The following DKK2 variants were observed in gnomAD, a reference collection of about 807,000 sequenced individuals.
DKK2 encodes the protein dickkopf-related protein 2.
DKK2 carries 11 observed loss-of-function variants against 28.1 expected under a neutral mutation model. That is an observed-to-expected ratio of 0.39 (90% confidence interval 0.25 to 0.65). DKK2 has a LOEUF of 0.65. DKK2 is among the 30% of genes least tolerant of loss of function. The pLI is 0.47. For missense variants in DKK2, 326 were observed against 335.5 expected (o/e 0.97, Z 0.22); for synonymous variants, 135 against 126.5 (o/e 1.07, Z -0.45).
intron 1 of DKK2, among the ~76,000 whole-genome samples, chr4:106,984,131 C>T (rs4364338): frequency 0.21 from 31,578 of 152,164 alleles, 3,547 homozygotes; most frequent in East Asian, 0.42. Flanking sequence ...AATGAAGACT[C>T]TGTTCACACA....
At chr4:106,936,687 A>T (rs1416846790) in intron 1 of DKK2, among the ~76,000 whole-genome samples, 1 of 152,220 alleles carries the variant, frequency 6.6e-6, no homozygotes, top group Non-Finnish European at 1.5e-5. Flanking sequence ...GGTTGAAATG[A>T]ACGAAAAAAT....
intron 1 of DKK2, among the ~76,000 whole-genome samples, chr4:106,980,406 C>G (rs1363643389): frequency 6.6e-6 from 1 of 152,004 alleles, no homozygotes; most frequent in Admixed American, 6.6e-5. Flanking sequence ...CTTAATTATG[C>G]TTCATAACAT....
At chr4:107,027,951 A>C (rs2110376660) in intron 1 of DKK2, among the ~76,000 whole-genome samples, 1 of 151,782 alleles carries the variant, frequency 6.6e-6, no homozygotes, top group South Asian at 2.1e-4. Context: ...ACGGGGTTTC[A>C]CCGTGTTAGC....
At chr4:106,968,153 A>G (rs954297690) in intron 1 of DKK2, among the ~76,000 whole-genome samples, 1 of 151,766 alleles carries the variant, frequency 6.6e-6, no homozygotes, top group Non-Finnish European at 1.5e-5. Context: ...GAGACAAAAA[A>G]AAGGATGGAA....
rs1724366289 is a variant in DKK2, at chr4:106,922,790, T to A, written c.*1164A>T. ...TATGATAGCAAATCCCATGCAGATA[T>A]TCATTTAGACTGTGCATCCCCTGGT... On this transcript the variant is annotated 3_prime_UTR_variant, in exon 4 of 4. Coordinates refer to ENST00000285311, the MANE Select transcript of DKK2 (RefSeq NM_014421.3). 6.6e-6 allele frequency: 1 copy of A among 152,204 alleles called. No individual in the cohort carries two copies. Among genetic ancestry groups the A allele is most frequent in the African/African-American group, 2.4e-5 (1 of 41,464 alleles). 9.4% of individuals were successfully genotyped at this position (152,204 alleles called of 1,614,324 possible). A position where few individuals can be genotyped will look rare whatever the true frequency, so the allele number is the denominator to read the frequency against.
intron 1 of DKK2, among the ~76,000 whole-genome samples, chr4:107,024,678 G>A (rs1022000827): frequency 6.6e-6 from 1 of 152,104 alleles, no homozygotes; most frequent in Non-Finnish European, 1.5e-5. Context: ...AGGCAAATAA[G>A]TAGTGTTTTA....
chr4:106,974,255 AGT>A (rs1491559656), intron 1 of DKK2, among the ~76,000 whole-genome samples: 1 of 152,014 alleles, frequency 6.6e-6, no homozygotes, highest in African/African-American at 2.4e-5. Flanking sequence ...AAATTAAGGT[AGT>A]TTTTTTCTAA....
chr4:106,945,315 T>C (rs997745963), intron 1 of DKK2, among the ~76,000 whole-genome samples: 1 of 152,140 alleles, frequency 6.6e-6, no homozygotes, highest in African/African-American at 2.4e-5. Flanking sequence ...TTAATAAGTG[T>C]CATAAAATTT....
intron 1 of DKK2, among the ~76,000 whole-genome samples, chr4:106,949,263 C>T (rs1285811487): frequency 6.6e-6 from 1 of 152,076 alleles, no homozygotes; most frequent in Admixed American, 6.6e-5. Context: ...AGATTTTCTT[C>T]TTTATGCAAT....
chr4:106,925,288 T>G (rs1347024840), intron 2 of DKK2, among the ~76,000 whole-genome samples: 1 of 152,234 alleles, frequency 6.6e-6, no homozygotes, highest in Non-Finnish European at 1.5e-5. Context: ...TGTGATCCAT[T>G]TCATCATTAT....
chr4:107,001,046 T>C (rs1723352213), intron 1 of DKK2, among the ~76,000 whole-genome samples: 1 of 150,978 alleles, frequency 6.6e-6, no homozygotes, highest in Admixed American at 6.6e-5. Context: ...AGGGCTCCTC[T>C]CTCTTCTGAC....
At chr4:107,004,666 C>T (rs979384859) in intron 1 of DKK2, among the ~76,000 whole-genome samples, 2 of 152,138 alleles carry the variant, frequency 1.3e-5, no homozygotes, top group African/African-American at 4.8e-5. Flanking sequence ...TCCTTGGAAC[C>T]TGTGAATATA....
chr4:106,992,046 T>C (rs979287278), intron 1 of DKK2, among the ~76,000 whole-genome samples: 10 of 152,318 alleles, frequency 6.6e-5, no homozygotes, highest in African/African-American at 2.4e-4. Context: ...TGCTGAAACT[T>C]TCCTCAGAGT....
chr4:106,926,537 A>T (rs1235190411), intron 1 of DKK2, among the ~76,000 whole-genome samples: 1 of 152,226 alleles, frequency 6.6e-6, no homozygotes, highest in Non-Finnish European at 1.5e-5. Context: ...ACTAAGGAAC[A>T]GGATCCTCAT....
intron 1 of DKK2, among the ~76,000 whole-genome samples, chr4:107,019,319 T>G (rs1723658250): frequency 6.6e-6 from 1 of 151,936 alleles, no homozygotes; most frequent in Non-Finnish European, 1.5e-5. Flanking sequence ...TGAAACTGAG[T>G]CACATGGGAT....
chr4:107,000,932 A>G (rs891974631), intron 1 of DKK2, among the ~76,000 whole-genome samples: 2 of 152,184 alleles, frequency 1.3e-5, no homozygotes, highest in Non-Finnish European at 2.9e-5. Flanking sequence ...TACTAACCGT[A>G]ACAGGTTCTA....
rs1724358736 is a variant in DKK2 at position 106,922,387 on chromosome 4, CTGAGT to C, written c.*1562_*1566del. On this transcript the variant is annotated 3_prime_UTR_variant, in exon 4 of 4. Transcript: ENST00000285311. ...TGTGCTCCAGACAAAGTATTTAGAA[CTGAGT>C]TAAGTTTAAAAAAAGTAGTAAAGTG... 6.6e-6 allele frequency: 1 copy of C among 152,118 alleles called. No individual in the cohort carries two copies. The highest frequency in any genetic ancestry group is 2.4e-5 in the African/African-American group (1 of 41,440). 9.4% of individuals were successfully genotyped at this position (152,118 alleles called of 1,614,324 possible).
At chr4:106,973,720 C>A (rs375387512) in intron 1 of DKK2, among the ~76,000 whole-genome samples, 46 of 152,264 alleles carry the variant, frequency 3.0e-4, no homozygotes, top group African/African-American at 8.4e-4. Flanking sequence ...TTTTGCTGTG[C>A]AGAAGCTCTT....
At position 106,953,381 on chromosome 4, in the gene DKK2, C is replaced by G. The variant is rs1000272411; in HGVS notation, c.223-27432G>C. 2.0e-5 allele frequency among the ~76,000 whole-genome samples: 3 copies of G among 152,192 alleles called. No homozygotes were observed. The East Asian group carries it at 5.8e-4, about 29-fold the overall frequency. ...AGCACCAACTTAAAAAGGCAGCTTGCACACCCTTCTGATGTAAACTCTGTT... is the reference window on the plus strand; with the variant it reads ...AGCACCAACTTAAAAAGGCAGCTTGGACACCCTTCTGATGTAAACTCTGTT... On this transcript the variant is annotated intron_variant, in intron 1 of 3. Coordinates refer to ENST00000285311, the MANE Select transcript of DKK2 (RefSeq NM_014421.3).
Sources: gnomAD v4.1 joint callset for allele counts (sites outside exome capture counted in the v4.1 genomes callset) on GRCh38, gnomAD v4.1.1 for gene constraint, MANE v1.5 for transcripts, NCBI Gene and HGNC (gene_info 2026-07-23, HGNC 2026-07-21) for gene names.